Variants in NRG1 observed in about 807,000 individuals in gnomAD.
NRG1 encodes neuregulin 1.
NRG1 carries 18 observed loss-of-function variants against 63.8 expected under a neutral mutation model. The observed-to-expected ratio is 0.28, with a 90% CI of 0.19 to 0.42. NRG1 has a LOEUF of 0.42. Ranked by LOEUF, NRG1 falls within the 10% of genes least tolerant of loss-of-function variation. The probability of loss-of-function intolerance (pLI) is 1.00; values close to 1 mark genes in which losing one functional copy is unlikely to be tolerated. For synonymous variants in NRG1, 302 were observed against 301.3 expected, an observed-to-expected ratio of 1.00 and a Z score of -0.02; for missense variants, 762 against 814.7, an observed-to-expected ratio of 0.94 and a Z score of 0.79.
intron 1 of NRG1, among the ~76,000 whole-genome samples, chr8:31,694,448 A>G (rs896951474): frequency 2.0e-5 from 3 of 152,146 alleles, no homozygotes; most frequent in Admixed American, 1.3e-4. Flanking sequence ...GTATATATCA[A>G]TTTTTCTTTA....
At chr8:32,752,464 C>T (rs1277855706) in intron 7 of NRG1, among the ~76,000 whole-genome samples, 3 of 152,208 alleles carry the variant, frequency 2.0e-5, no homozygotes, top group Non-Finnish European at 4.4e-5. Context: ...CATTGTTTCA[C>T]CGCAATGCAC....
intron 1 of NRG1, among the ~76,000 whole-genome samples, chr8:32,163,629 T>G (rs1839087770): frequency 6.6e-6 from 1 of 152,200 alleles, no homozygotes; most frequent in Non-Finnish European, 1.5e-5. Flanking sequence ...AATGTTATCT[T>G]ATGTTTTTTA....
At position 31,941,225 on chromosome 8, in the gene NRG1, A is replaced by T. The variant is rs575459357; in HGVS notation, c.37+301794A>T. ...TGATCAAGTAGGTTTCACACTAGGG[A>T]TGCAGGGATGGTTTAACATAGGCAA... On this transcript the variant is annotated intron_variant, in intron 1 of 10. Transcript: ENST00000519301. Among the ~76,000 whole-genome samples, 41 of 152,290 alleles carry T rather than the reference A, an allele frequency of 2.7e-4. No homozygotes were observed. In the South Asian group the frequency reaches 6.8e-3, roughly 25 times the overall value.
rs528478381 is a variant in NRG1, at chr8:31,951,725, A to C, written c.37+312294A>C. Among the ~76,000 whole-genome samples, 3 of 152,330 alleles carry C rather than the reference A, an allele frequency of 2.0e-5. No homozygotes were observed. In the East Asian group the frequency reaches 5.8e-4, roughly 29 times the overall value. On this transcript the variant is annotated intron_variant, in intron 1 of 10. Coordinates refer to the NRG1 transcript ENST00000519301. The stretch of plus-strand genomic sequence containing the variant: ...GAGTGCCACTTCCCCTGGGATGGTG[A>C]GCAAAATGAGCATGTTTTCCTTGCC...
Position 32,218,666 on chromosome 8 carries a change from G to T in NRG1, c.38-377162G>T, listed in dbSNP as rs140162986. Among the ~76,000 whole-genome samples the T allele has an allele frequency of 7.3e-3, 1,115 of 152,308 alleles. 12 individuals carry two copies. Among genetic ancestry groups the T allele is most frequent in the African/African-American group, 0.026 (1,077 of 41,560 alleles). On this transcript the variant is annotated intron_variant, in intron 1 of 10. Coordinates refer to the NRG1 transcript ENST00000519301. ...TGAAATGCAGCATCCTCATCTGTAA[G>T]ATGCAGGTGCTAAATGATGACTGTT...
At chr8:31,855,384 T>G (rs1056784545) in intron 1 of NRG1, among the ~76,000 whole-genome samples, 1 of 152,134 alleles carries the variant, frequency 6.6e-6, no homozygotes, top group African/African-American at 2.4e-5. Context: ...CTTTGTCTCT[T>G]TTGATCTTTG....
At chr8:32,241,461 G>A (rs1386675673) in intron 1 of NRG1, among the ~76,000 whole-genome samples, 4 of 151,978 alleles carry the variant, frequency 2.6e-5, no homozygotes, top group African/African-American at 4.8e-5. Context: ...ACAAAGCCTC[G>A]GATTGCATAT....
intron 1 of NRG1, among the ~76,000 whole-genome samples, chr8:32,325,027 G>A (rs918817460): frequency 6.6e-6 from 1 of 152,182 alleles, no homozygotes; most frequent in Non-Finnish European, 1.5e-5. Flanking sequence ...TTGGAAGTGA[G>A]CATTGTTCTA....
intron 1 of NRG1, among the ~76,000 whole-genome samples, chr8:32,014,245 GT>G: frequency 6.6e-6 from 1 of 152,160 alleles, no homozygotes; most frequent in Non-Finnish European, 1.5e-5. Context: ...GTGGTTTGTA[GT>G]TCTCCTTGAA....
chr8:32,233,691 A>G (rs977685526), intron 1 of NRG1, among the ~76,000 whole-genome samples: 2 of 151,156 alleles, frequency 1.3e-5, no homozygotes, highest in Admixed American at 6.6e-5. Context: ...CAGCCTCCTG[A>G]GTAGCTGGGA....
chr8:32,750,710 C>CAAAAAAAAA (rs34624230), intron 7 of NRG1, among the ~76,000 whole-genome samples: 1 of 124,368 alleles, frequency 8.0e-6, no homozygotes, highest in African/African-American at 3.1e-5. Flanking sequence ...ATTTCTTCCT[C>CAAAAAAAAA]AAAAAAAAAA....
chr8:31,801,531 T>C (rs1044736967), intron 1 of NRG1, among the ~76,000 whole-genome samples: 2 of 152,208 alleles, frequency 1.3e-5, no homozygotes, highest in African/African-American at 4.8e-5. Flanking sequence ...TGAAATATTG[T>C]GTGACTTTAT....
chr8:32,149,737 G>C (rs1169081797), intron 1 of NRG1, among the ~76,000 whole-genome samples: 1 of 152,070 alleles, frequency 6.6e-6, no homozygotes, highest in Non-Finnish European at 1.5e-5. Flanking sequence ...AATTATCTCT[G>C]CCCAGAAATA....
chr8:32,299,002 G>A (rs555961884), intron 1 of NRG1, among the ~76,000 whole-genome samples: 1 of 144,030 alleles, frequency 6.9e-6, no homozygotes, highest in African/African-American at 2.6e-5. Context: ...ACTCCAGCCT[G>A]GGGACAAAGT....
At chr8:32,498,609 C>T (rs2129496075) in intron 1 of NRG1, among the ~76,000 whole-genome samples, 1 of 152,046 alleles carries the variant, frequency 6.6e-6, no homozygotes, top group East Asian at 1.9e-4. Flanking sequence ...TTACCTCCGA[C>T]CAGGTCCCTT....
intron 1 of NRG1, among the ~76,000 whole-genome samples, chr8:31,786,413 T>C (rs1353780001): frequency 6.6e-6 from 1 of 152,164 alleles, no homozygotes; most frequent in East Asian, 1.9e-4. Flanking sequence ...TACCAACAAA[T>C]AAACCATCAG....
At chr8:32,067,266 CA>C (rs1563747149) in intron 1 of NRG1, among the ~76,000 whole-genome samples, 1 of 152,082 alleles carries the variant, frequency 6.6e-6, no homozygotes, top group African/African-American at 2.4e-5. Context: ...TGTCTTGTGC[CA>C]GTTTTCAAAG....
chr8:32,324,532 A>T (rs1223615303), intron 1 of NRG1, among the ~76,000 whole-genome samples: 1 of 152,186 alleles, frequency 6.6e-6, no homozygotes, highest in Non-Finnish European at 1.5e-5. Context: ...GGCATCTCTG[A>T]AACAAGCTGA....
intron 1 of NRG1, among the ~76,000 whole-genome samples, chr8:32,420,674 A>G (rs538782913): frequency 6.6e-6 from 1 of 152,232 alleles, no homozygotes; most frequent in East Asian, 1.9e-4. Context: ...CTCTCATAAC[A>G]GTGCTTGACA....
Sources: gnomAD v4.1 joint callset for allele counts (sites outside exome capture counted in the v4.1 genomes callset) on GRCh38, gnomAD v4.1.1 for gene constraint, MANE v1.5 for transcripts, NCBI Gene and HGNC (gene_info 2026-07-23, HGNC 2026-07-21) for gene names.